The following WWC2 variants were observed in gnomAD, a reference collection of about 807,000 sequenced individuals.
WWC2 encodes protein WWC2.
WWC2 carries 101 observed loss-of-function variants against 138.5 expected under a neutral mutation model. The ratio of observed to expected loss-of-function variants is 0.73; its 90% confidence interval spans 0.62 to 0.86. The LOEUF is 0.86. Among genes scored for constraint, WWC2 ranks in the 40% least tolerant of loss-of-function variants. The pLI, the probability that WWC2 is intolerant of heterozygous loss-of-function variation, is 0.00. For missense variants in WWC2, 1,420 were observed against 1,419.4 expected, an observed-to-expected ratio of 1.00 and a Z score of -0.01; for synonymous variants, 558 against 538.4, an observed-to-expected ratio of 1.04 and a Z score of -0.50.
At chr4:183,152,938 T>G (rs1394876756) in intron 1 of WWC2, among the ~76,000 whole-genome samples, 1 of 152,098 alleles carries the variant, frequency 6.6e-6, no homozygotes, top group African/African-American at 2.4e-5. Flanking sequence ...CTCTATCAGC[T>G]AGGCTGGAAT....
rs765644285 is a variant in WWC2, at chr4:183,317,450, G to T, written c.*1721G>T. On this transcript the variant is annotated 3_prime_UTR_variant, in exon 23 of 23. Transcript: ENST00000403733. ...TGACTGAGTACAGTCCTTTAAGGCTGCCCAGTTCATTCTATTAGATGACTA... is the reference window on the plus strand; with the variant it reads ...TGACTGAGTACAGTCCTTTAAGGCTTCCCAGTTCATTCTATTAGATGACTA... 3.9e-5 allele frequency: 6 copies of T among 152,598 alleles called. No individual in the cohort carries two copies. Among genetic ancestry groups the T allele is most frequent in the Non-Finnish European group, 8.8e-5 (6 of 68,018 alleles). The allele number at this position is 152,598 out of a possible 1,614,324, so 9.5% of individuals were successfully genotyped here.
At chr4:183,225,749 T>C (rs534418348) in intron 4 of WWC2, among the ~76,000 whole-genome samples, 139 of 152,336 alleles carry the variant, frequency 9.1e-4, no homozygotes, top group Middle Eastern at 3.4e-3. Flanking sequence ...AGAGAACAGA[T>C]ACATTTCAGA....
intron 1 of WWC2, among the ~76,000 whole-genome samples, chr4:183,140,832 A>G (rs906455598): frequency 6.6e-6 from 1 of 152,172 alleles, no homozygotes; most frequent in Non-Finnish European, 1.5e-5. Flanking sequence ...ACTCTAGGCC[A>G]GACACTCAAT....
intron 1 of WWC2, among the ~76,000 whole-genome samples, chr4:183,190,324 C>A (rs1049048313): frequency 8.5e-5 from 13 of 152,138 alleles, no homozygotes; most frequent in Non-Finnish European, 1.9e-4. Flanking sequence ...CATTTCCGTT[C>A]ACTGTATTTG....
At chr4:183,147,300 C>T (rs770005975) in intron 1 of WWC2, among the ~76,000 whole-genome samples, 3 of 152,172 alleles carry the variant, frequency 2.0e-5, no homozygotes, top group African/African-American at 4.8e-5. Context: ...GAGGCTGTGG[C>T]GGCTCAGAGA....
At chr4:183,179,408 G>A (rs1734557974) in intron 1 of WWC2, among the ~76,000 whole-genome samples, 1 of 152,178 alleles carries the variant, frequency 6.6e-6, no homozygotes, top group Non-Finnish European at 1.5e-5. Flanking sequence ...CTGCTGTGTG[G>A]AGTATGGGTT....
At chr4:183,199,687 G>C (rs1735249248) in intron 2 of WWC2, among the ~76,000 whole-genome samples, 1 of 151,932 alleles carries the variant, frequency 6.6e-6, no homozygotes, top group Admixed American at 6.5e-5. Context: ...ATGCATTATA[G>C]ACAAAAAAAA....
rs150133477 is a variant in WWC2 at position 183,268,965 on chromosome 4, T to C, written c.2208-6T>C. The C allele has an allele frequency of 7.6e-5, 122 of 1,608,114 alleles. 1 individual carries two copies. The African/African-American group carries it at 9.2e-4, about 12-fold the overall frequency. ...ATGAAATCCATTTTATTCTTGTTCTTTGCAGATATTTTAGGGTTGCCGTTC... is the reference window on the plus strand; with the variant it reads ...ATGAAATCCATTTTATTCTTGTTCTCTGCAGATATTTTAGGGTTGCCGTTC... On this transcript the variant is annotated splice_region_variant and splice_polypyrimidine_tract_variant and intron_variant, in intron 14 of 22. Transcript: ENST00000403733.
intron 21 of WWC2, among the ~76,000 whole-genome samples, chr4:183,289,970 C>T (rs891987402): frequency 1.4e-4 from 22 of 151,894 alleles, no homozygotes; most frequent in Non-Finnish European, 2.1e-4. Flanking sequence ...TCCATCTTAA[C>T]GTAAGACTTG....
chr4:183,118,868 T>G (rs1732506853), intron 1 of WWC2, among the ~76,000 whole-genome samples: 1 of 152,146 alleles, frequency 6.6e-6, no homozygotes, highest in Admixed American at 6.6e-5. Flanking sequence ...AAAGAAGCTG[T>G]GTGTAGTGGT....
intron 4 of WWC2, among the ~76,000 whole-genome samples, chr4:183,233,146 AC>A (rs1399103818): frequency 1.8e-5 from 2 of 112,284 alleles, no homozygotes; most frequent in Non-Finnish European, 3.8e-5. Flanking sequence ...TTCTTTTTAA[AC>A]CTTTTTTTTT....
At chr4:183,292,212 A>T (rs934339938) in intron 21 of WWC2, among the ~76,000 whole-genome samples, 1 of 151,986 alleles carries the variant, frequency 6.6e-6, no homozygotes, top group Non-Finnish European at 1.5e-5. Context: ...ATGAAAAATT[A>T]AAAAATAAAT....
At chr4:183,262,654 A>G (rs753375970) in intron 11 of WWC2, among the ~76,000 whole-genome samples, 1 of 152,364 alleles carries the variant, frequency 6.6e-6, no homozygotes, top group South Asian at 2.1e-4. Context: ...TACAAGTAGC[A>G]GGTTATGGAA....
At chr4:183,148,333 GTT>G (rs1733532485) in intron 1 of WWC2, among the ~76,000 whole-genome samples, 1 of 152,320 alleles carries the variant, frequency 6.6e-6, no homozygotes. Flanking sequence ...TAGGAAGCTT[GTT>G]TAACCTTATT....
chr4:183,146,131 A>C (rs2111106148), intron 1 of WWC2, among the ~76,000 whole-genome samples: 1 of 152,326 alleles, frequency 6.6e-6, no homozygotes, highest in South Asian at 2.1e-4. Context: ...AGTTGCAAAA[A>C]TTCATTGCCA....
intron 1 of WWC2, among the ~76,000 whole-genome samples, chr4:183,127,740 T>C (rs1732803563): frequency 6.6e-6 from 1 of 152,166 alleles, no homozygotes; most frequent in Non-Finnish European, 1.5e-5. Context: ...TTATATACCT[T>C]AAATGTGTAC....
intron 1 of WWC2, among the ~76,000 whole-genome samples, chr4:183,114,462 TA>T (rs1316791699): frequency 6.6e-6 from 1 of 152,160 alleles, no homozygotes; most frequent in East Asian, 1.9e-4. Context: ...CACCCAGATA[TA>T]GAATCTTTTG....
chr4:183,147,477 A>T (rs1012506457), intron 1 of WWC2, among the ~76,000 whole-genome samples: 1 of 152,214 alleles, frequency 6.6e-6, no homozygotes, highest in Non-Finnish European at 1.5e-5. Flanking sequence ...GTCATGGGTG[A>T]GAAGCACTCA....
intron 9 of WWC2, among the ~76,000 whole-genome samples, chr4:183,255,663 ATTTG>A (rs145610749): frequency 0.028 from 4,213 of 152,212 alleles, 185 homozygotes; most frequent in African/African-American, 0.096. Context: ...AAGAAGACAT[ATTTG>A]TTTGTCTTAG....
Sources: allele counts gnomAD v4.1 joint callset (sites outside exome capture counted in the v4.1 genomes callset), GRCh38; gene constraint gnomAD v4.1.1; transcripts MANE v1.5; gene names NCBI Gene and HGNC (gene_info 2026-07-23, HGNC 2026-07-21).